Variants in USH2A observed in about 807,000 individuals in gnomAD.
USH2A encodes the protein usherin.
USH2A carries 443 observed loss-of-function variants against 538.9 expected under a neutral mutation model. The ratio of observed to expected loss-of-function variants is 0.82; its 90% CI spans 0.76 to 0.89. The LOEUF (loss-of-function observed/expected upper bound fraction) is 0.89, where lower values mean the gene tolerates loss of function less well. Among genes scored for constraint, USH2A ranks in the 40% least tolerant of loss-of-function variants. USH2A has a pLI of 0.00. For synonymous variants in USH2A, 2,413 were observed against 2,273.5 expected (o/e 1.06, Z -1.75); for missense variants, 6,633 against 6,324.8 (o/e 1.05, Z -1.65).
At chr1:215,996,014 G>A (rs1000314265) in intron 34 of USH2A, among the ~76,000 whole-genome samples, 1 of 152,106 alleles carries the variant, frequency 6.6e-6, no homozygotes, top group African/African-American at 2.4e-5. Context: ...GGGTTCAAGG[G>A]ATTATCGTAC....
chr1:216,373,598 T>G lies in USH2A; in HGVS notation c.652-8513A>C, dbSNP rs150245268. ...TTCCCCCTGAATACCGCAACGTGTA[T>G]TTGCTACAAAAAGACATTCTTTTAC... On this transcript the variant is annotated intron_variant, in intron 3 of 71. Transcript: ENST00000307340. Among the ~76,000 whole-genome samples the G allele has an allele frequency of 2.2e-3, 329 of 152,288 alleles. 3 individuals carry two copies. The highest frequency in any genetic ancestry group is 4.9e-3 in the Admixed American group (75 of 15,290).
At chr1:215,911,061 T>A (rs530293578) in intron 38 of USH2A, among the ~76,000 whole-genome samples, 151 of 152,020 alleles carry the variant, frequency 9.9e-4, no homozygotes, top group African/African-American at 3.5e-3. Flanking sequence ...CTTAATTTTT[T>A]AATTTTTTTT....
chr1:215,706,836 C>T (rs546464406), intron 61 of USH2A, among the ~76,000 whole-genome samples: 2 of 152,140 alleles, frequency 1.3e-5, no homozygotes, highest in Admixed American at 6.6e-5. Context: ...AGCTTATTAA[C>T]TTGTAAATCC....
intron 38 of USH2A, among the ~76,000 whole-genome samples, chr1:215,915,421 A>C (rs540893010): frequency 6.6e-6 from 1 of 152,208 alleles, no homozygotes; most frequent in African/African-American, 2.4e-5. Context: ...TGAGGTTTTA[A>C]ACAAATGTGT....
In USH2A at chr1:215,674,447, T is replaced by A. The variant is rs749353722; in HGVS notation, c.13464A>T (p.Thr4488=). 1 of 1,614,188 alleles carries A rather than the reference T, an allele frequency of 6.2e-7. No individual in the cohort carries two copies. Among genetic ancestry groups the A allele is most frequent in the South Asian group, 1.1e-5 (1 of 91,076 alleles). ...ELRRDGTIVY[T]GLETRYRDFT... is the part of the protein sequence containing the mutation. ...AATCACGATAGCGTGTTTCCAAGCC[T>A]GTATATACAATGGTTCCATCCCTCC... The change falls in exon 63 of 72, where the codon ACA becomes ACT. Residue 4488 remains threonine (T), a synonymous_variant. Transcript: ENST00000307340.
chr1:215,992,569 A>C (rs1354774489), intron 35 of USH2A, among the ~76,000 whole-genome samples: 1 of 152,248 alleles, frequency 6.6e-6, no homozygotes, highest in Admixed American at 6.5e-5. Flanking sequence ...ATATTAAAAA[A>C]TACAGAGTTC....
At chr1:216,383,146 CT>C (rs2038948436) in intron 3 of USH2A, among the ~76,000 whole-genome samples, 1 of 152,050 alleles carries the variant, frequency 6.6e-6, no homozygotes, top group African/African-American at 2.4e-5. Context: ...AATCCTTAAG[CT>C]TGTCTCAGAT....
At chr1:215,748,052 C>T (rs971600289) in intron 58 of USH2A, among the ~76,000 whole-genome samples, 1 of 151,942 alleles carries the variant, frequency 6.6e-6, no homozygotes, top group Non-Finnish European at 1.5e-5. Flanking sequence ...CCACCGCGCC[C>T]GGCTAATTTT....
intron 32 of USH2A, among the ~76,000 whole-genome samples, chr1:216,029,651 A>G (rs1669045012): frequency 6.6e-6 from 1 of 151,970 alleles, no homozygotes; most frequent in South Asian, 2.1e-4. Context: ...AAACCAGGAT[A>G]TATAGGGTCA....
intron 32 of USH2A, among the ~76,000 whole-genome samples, chr1:216,046,116 G>A (rs1427924069): frequency 1.4e-5 from 2 of 147,172 alleles, no homozygotes; most frequent in African/African-American, 5.0e-5. Context: ...AAAATTCATG[G>A]ATGCTCAAGT....
At chr1:215,744,344 G>A (rs1660402522) in intron 58 of USH2A, among the ~76,000 whole-genome samples, 1 of 152,166 alleles carries the variant, frequency 6.6e-6, no homozygotes, top group Non-Finnish European at 1.5e-5. Flanking sequence ...TGTCAGTTTA[G>A]CCTCGTCAAA....
chr1:215,746,912 A>T (rs1432383363), intron 58 of USH2A, among the ~76,000 whole-genome samples: 2 of 152,158 alleles, frequency 1.3e-5, no homozygotes, highest in African/African-American at 2.4e-5. Flanking sequence ...GAGGAAGGGG[A>T]ACCAGCAGAA....
chr1:215,905,834 A>G (rs1426264599), intron 38 of USH2A, among the ~76,000 whole-genome samples: 4 of 152,008 alleles, frequency 2.6e-5, no homozygotes, highest in Non-Finnish European at 5.9e-5. Flanking sequence ...CAGGGATTAC[A>G]TTTTTGGCAT....
chr1:216,156,585 A>C (rs182751241), intron 21 of USH2A, among the ~76,000 whole-genome samples: 1 of 152,214 alleles, frequency 6.6e-6, no homozygotes, highest in Admixed American at 6.5e-5. Flanking sequence ...AGAATCTCAG[A>C]GGGCTTCTTT....
intron 11 of USH2A, among the ~76,000 whole-genome samples, chr1:216,284,172 T>C (rs940072769): frequency 1.3e-5 from 2 of 152,166 alleles, no homozygotes. Flanking sequence ...TTATTTCTGT[T>C]TCCAAAGAAA....
Position 215,728,185 on chromosome 1 carries a change from G to C in USH2A, c.11911C>G (p.Pro3971Ala). ...TGAGCACTCGTGGCTTGAGCCCAAG[G>C]AGCTGGAAAATCTTGAGGTGGAGCT... Reference protein sequence around the residue: ...LEAPPQDFPAPWAQATSAHSV... With the variant: ...LEAPPQDFPAAWAQATSAHSV... The change falls in exon 61 of 72, where the codon CCT (proline) becomes GCT (alanine). Residue 3971 changes from proline (P) to alanine (A), a missense_variant. Pro to Ala is a conservative substitution (Grantham distance 27). Transcript: ENST00000307340. 6.2e-7 allele frequency: 1 copy of C among 1,614,174 alleles called. No individual in the cohort carries two copies. Among genetic ancestry groups the C allele is most frequent in the Middle Eastern group, 1.7e-4 (1 of 6,060 alleles).
chr1:215,652,092 T>C (rs1477731250), intron 64 of USH2A, among the ~76,000 whole-genome samples: 1 of 152,254 alleles, frequency 6.6e-6, no homozygotes, highest in Non-Finnish European at 1.5e-5. Flanking sequence ...GTATAAACTC[T>C]ACATTTCACA....
At chr1:216,264,223 A>G (rs192227734) in intron 11 of USH2A, among the ~76,000 whole-genome samples, 190 of 152,290 alleles carry the variant, frequency 1.2e-3, no homozygotes, top group Non-Finnish European at 1.8e-3. Flanking sequence ...TCAAAATACT[A>G]ATGATATTCT....
chr1:216,089,679 C>T (rs979744523), intron 22 of USH2A, among the ~76,000 whole-genome samples: 1 of 151,730 alleles, frequency 6.6e-6, no homozygotes, highest in Non-Finnish European at 1.5e-5. Context: ...ATGTAGTACA[C>T]AATGCTTTGT....
Sources: gnomAD v4.1 joint callset for allele counts (sites outside exome capture counted in the v4.1 genomes callset) on GRCh38, gnomAD v4.1.1 for gene constraint, MANE v1.5 for transcripts, NCBI Gene and HGNC (gene_info 2026-07-23, HGNC 2026-07-21) for gene names.